The following MLLT3 variants were observed in gnomAD, a reference collection of about 807,000 sequenced individuals.
MLLT3 encodes the protein MLLT3 super elongation complex subunit, also known as protein AF-9.
Under a neutral mutation model 53.2 loss-of-function variants are expected in MLLT3, and 4 were observed. That is an observed-to-expected ratio of 0.08 (90% CI 0.04 to 0.17). The LOEUF is 0.17. MLLT3 is among the 10% of genes least tolerant of loss of function. MLLT3 has a pLI of 1.00. For synonymous variants in MLLT3, 283 were observed against 230.6 expected, an observed-to-expected ratio of 1.23 and a Z score of -2.06; for missense variants, 569 against 684.0, an observed-to-expected ratio of 0.83 and a Z score of 1.87.
chr9:20,545,787 G>C (rs1818770634), intron 2 of MLLT3, among the ~76,000 whole-genome samples: 1 of 147,432 alleles, frequency 6.8e-6, no homozygotes, highest in Non-Finnish European at 1.5e-5. Context: ...GGGAGGTCAG[G>C]ATGGGAGGAT....
Position 20,432,557 on chromosome 9 carries a change from G to A in MLLT3, c.420+15566C>T, listed in dbSNP as rs576961584. ...CAGCAATACCCCTTTGTCCTAATAC[G>A]TGGAGTTAGCTCTATGTGCGGCACA... On this transcript the variant is annotated intron_variant, in intron 4 of 10. Coordinates refer to ENST00000380338, the MANE Select transcript of MLLT3 (RefSeq NM_004529.4). Among the ~76,000 whole-genome samples, 81 of 152,184 alleles carry A rather than the reference G, an allele frequency of 5.3e-4. 1 individual carries two copies. Among genetic ancestry groups the A allele is most frequent in the African/African-American group, 1.8e-3 (74 of 41,528 alleles).
At position 20,346,541 on chromosome 9, in the gene MLLT3, G is replaced by T; in HGVS notation, c.1609C>A (p.His537Asn). The change falls in exon 11 of 11, where the codon CAT (histidine) becomes AAT (asparagine). Residue 537 changes from histidine (H) to asparagine (N), a missense_variant. Transcript: ENST00000380338. ...AAATCAAATGTTGTGTTTGTGATAT[G>T]AAAGTGTCCAGTTTCTTCTATAAGG... ...VNLIEETGHF[H>N]ITNTTFDFDL... 6.2e-7 allele frequency: 1 copy of T among 1,613,736 alleles called. No homozygotes were observed. The highest frequency in any genetic ancestry group is 8.5e-7 in the Non-Finnish European group (1 of 1,179,688).
At chr9:20,565,964 A>ATTTT (rs1352402100) in intron 2 of MLLT3, among the ~76,000 whole-genome samples, 12 of 26,112 alleles carry the variant, frequency 4.6e-4, no homozygotes, top group African/African-American at 1.9e-3. Context: ...TTATATATAT[A>ATTTT]TATTTATATA....
chr9:20,506,336 C>T (rs535752110), intron 2 of MLLT3, among the ~76,000 whole-genome samples: 4 of 152,258 alleles, frequency 2.6e-5, no homozygotes, highest in East Asian at 1.9e-4. Flanking sequence ...CCACCGTGCC[C>T]GGCCCCTGCT....
intron 5 of MLLT3, among the ~76,000 whole-genome samples, chr9:20,375,885 G>T (rs1413593580): frequency 1.3e-5 from 2 of 152,068 alleles, no homozygotes; most frequent in Admixed American, 1.3e-4. Context: ...TGGGATTACA[G>T]GCCTGAGCCA....
At chr9:20,539,359 AT>A (rs1225957283) in intron 2 of MLLT3, among the ~76,000 whole-genome samples, 1 of 152,210 alleles carries the variant, frequency 6.6e-6, no homozygotes, top group Non-Finnish European at 1.5e-5. Context: ...ACATTAGTCC[AT>A]TTTCACAGTG....
chr9:20,592,171 T>C (rs1487018704), intron 2 of MLLT3, among the ~76,000 whole-genome samples: 1 of 152,198 alleles, frequency 6.6e-6, no homozygotes, highest in Admixed American at 6.5e-5. Flanking sequence ...AATTAGACTT[T>C]TAGCCTCACA....
chr9:20,525,710 T>C (rs1818183080), intron 2 of MLLT3, among the ~76,000 whole-genome samples: 1 of 152,180 alleles, frequency 6.6e-6, no homozygotes, highest in Admixed American at 6.5e-5. Context: ...CTTCTCCATT[T>C]AATAGGTTTA....
chr9:20,501,379 G>A (rs923163718), intron 2 of MLLT3, among the ~76,000 whole-genome samples: 1 of 152,144 alleles, frequency 6.6e-6, no homozygotes, highest in Non-Finnish European at 1.5e-5. Context: ...ATCTAACTAT[G>A]AAGACAAATT....
chr9:20,568,568 T>G (rs557612855), intron 2 of MLLT3, among the ~76,000 whole-genome samples: 1 of 152,258 alleles, frequency 6.6e-6, no homozygotes, highest in African/African-American at 2.4e-5. Context: ...AGATCCAAGC[T>G]TAAGAGAAAA....
chr9:20,500,558 A>G (rs1167220402), intron 2 of MLLT3, among the ~76,000 whole-genome samples: 2 of 152,210 alleles, frequency 1.3e-5, no homozygotes, highest in Admixed American at 6.5e-5. Flanking sequence ...AAATCTTTGG[A>G]AAATTCAATT....
intron 2 of MLLT3, among the ~76,000 whole-genome samples, chr9:20,485,820 T>C (rs1405055515): frequency 6.6e-6 from 1 of 151,806 alleles, no homozygotes; most frequent in Admixed American, 6.6e-5. Flanking sequence ...AACAAAACAG[T>C]GATTTCTTAC....
chr9:20,369,641 C>A (rs1821544652), intron 5 of MLLT3, among the ~76,000 whole-genome samples: 1 of 152,136 alleles, frequency 6.6e-6, no homozygotes, highest in South Asian at 2.1e-4. Context: ...CAAGCCCAAC[C>A]AACAGAATTG....
chr9:20,433,521 C>T lies in MLLT3; in HGVS notation c.420+14602G>A, dbSNP rs540849275. ...GTGGAGAAGCCTGGAGGATGCCATTCGAATCAAGTAATGGGTGTTAACATC... is the reference window on the plus strand; with the variant it reads ...GTGGAGAAGCCTGGAGGATGCCATTTGAATCAAGTAATGGGTGTTAACATC... On this transcript the variant is annotated intron_variant, in intron 4 of 10. Transcript: ENST00000380338. Among the ~76,000 whole-genome samples, 8 of 151,872 alleles carry T rather than the reference C, an allele frequency of 5.3e-5. No homozygotes were observed. In the South Asian group the frequency reaches 1.0e-3, roughly 20 times the overall value.
At chr9:20,378,796 A>G (rs934380552) in intron 5 of MLLT3, among the ~76,000 whole-genome samples, 2 of 152,134 alleles carry the variant, frequency 1.3e-5, no homozygotes, top group Non-Finnish European at 2.9e-5. Context: ...AAAATGAACT[A>G]AAGTAGCAAA....
chr9:20,429,537 C>T (rs1401062108), intron 4 of MLLT3, among the ~76,000 whole-genome samples: 2 of 143,288 alleles, frequency 1.4e-5, no homozygotes, highest in Admixed American at 6.8e-5. Flanking sequence ...CATAACTAAT[C>T]CAATTGTAGG....
At chr9:20,501,612 G>A (rs1331616438) in intron 2 of MLLT3, among the ~76,000 whole-genome samples, 3 of 151,896 alleles carry the variant, frequency 2.0e-5, no homozygotes, top group Non-Finnish European at 2.9e-5. Context: ...TTAGCCGGGC[G>A]CGGTGGCGGG....
At chr9:20,460,960 T>A (rs1312553811) in intron 2 of MLLT3, among the ~76,000 whole-genome samples, 1 of 152,194 alleles carries the variant, frequency 6.6e-6, no homozygotes. Flanking sequence ...GTTAATCAAC[T>A]GGGCCAGAAG....
At chr9:20,385,003 A>G (rs1360170887) in intron 5 of MLLT3, among the ~76,000 whole-genome samples, 1 of 152,122 alleles carries the variant, frequency 6.6e-6, no homozygotes, top group East Asian at 1.9e-4. Context: ...TCAACTAAAA[A>G]TTCTTGCAGA....
Sources: allele counts gnomAD v4.1 joint callset (sites outside exome capture counted in the v4.1 genomes callset), GRCh38; gene constraint gnomAD v4.1.1; transcripts MANE v1.5; gene names NCBI Gene and HGNC (gene_info 2026-07-23, HGNC 2026-07-21).